Variants in PSIP1 observed in about 807,000 individuals in gnomAD.
The protein encoded by PSIP1 is PC4 and SFRS1-interacting protein.
PSIP1 carries 19 observed loss-of-function variants against 74.7 expected under a neutral mutation model. The ratio of observed to expected loss-of-function variants is 0.25; its 90% CI spans 0.18 to 0.37. PSIP1 has a LOEUF of 0.37. Among genes scored for constraint, PSIP1 ranks in the 10% least tolerant of loss-of-function variants. The probability of loss-of-function intolerance (pLI) is 1.00; values close to 1 mark genes in which losing one functional copy is unlikely to be tolerated. For synonymous variants in PSIP1, 222 were observed against 195.3 expected (o/e 1.14, Z -1.14); for missense variants, 601 against 614.3 (o/e 0.98, Z 0.23).
At chr9:15,473,927 CAAAAAA>C in intron 9 of PSIP1, 76 bp downstream of exon 9, 1 of 514,486 alleles carries the variant, frequency 1.9e-6, no homozygotes, top group Non-Finnish European at 2.7e-6. Flanking sequence ...AAAAAAAAAA[CAAAAAA>C]AAAACAAAGA....
At chr9:15,498,186 C>T (rs1472192600) in intron 3 of PSIP1, among the ~76,000 whole-genome samples, 3 of 152,116 alleles carry the variant, frequency 2.0e-5, no homozygotes, top group African/African-American at 7.2e-5. Flanking sequence ...GAGGCCAAGG[C>T]GGGCGTGTCA....
intron 6 of PSIP1, among the ~76,000 whole-genome samples, chr9:15,481,096 A>C (rs2036316129): frequency 6.6e-6 from 1 of 152,190 alleles, no homozygotes; most frequent in African/African-American, 2.4e-5. Flanking sequence ...AGAACACTGA[A>C]AATTCCTCCC....
chr9:15,470,566 T>G, intron 10 of PSIP1: 2 of 921,454 alleles, frequency 2.2e-6, no homozygotes, highest in Non-Finnish European at 1.3e-6. Context: ...TCTAGTACCT[T>G]GGCTTAGAGT....
intron 3 of PSIP1, among the ~76,000 whole-genome samples, chr9:15,495,168 G>C (rs2037017426): frequency 1.3e-5 from 2 of 152,034 alleles, no homozygotes; most frequent in Non-Finnish European, 2.9e-5. Flanking sequence ...AGGAACTTCA[G>C]GAGTAGGAAA....
At chr9:15,477,630 C>T (rs1159485171) in intron 8 of PSIP1, among the ~76,000 whole-genome samples, 2 of 152,032 alleles carry the variant, frequency 1.3e-5, no homozygotes, top group East Asian at 3.9e-4. Flanking sequence ...TAAATATACT[C>T]TCTATTCCTT....
rs76254375 is a variant in PSIP1 at position 15,505,740 on chromosome 9, G to A, written c.149+821C>T. ...TTTGTATGTAAATTCCATCTCAATA[G>A]AGCTATTAAAGACATTGTGTGAAAG... On this transcript the variant is annotated intron_variant, in intron 3 of 15. Transcript: ENST00000380733. 9.3e-3 allele frequency: 1,416 copies of A among 152,252 alleles called. 18 individuals are homozygous for A. Among genetic ancestry groups the A allele is most frequent in the African/African-American group, 0.032 (1,332 of 41,544 alleles). 9.4% of individuals were successfully genotyped at this position (152,252 alleles called of 1,614,324 possible).
At chr9:15,470,947 A>C (rs1480502637) in intron 10 of PSIP1, 10 of 1,149,898 alleles carry the variant, frequency 8.7e-6, no homozygotes, top group Middle Eastern at 3.6e-4. Flanking sequence ...AAAAAAAAAA[A>C]AAAAAAAAAA....
intron 2 of PSIP1, among the ~76,000 whole-genome samples, chr9:15,508,657 A>T (rs1463164721): frequency 6.6e-6 from 1 of 152,178 alleles, no homozygotes; most frequent in Non-Finnish European, 1.5e-5. Context: ...TACCTCGAAG[A>T]CCATGAAAAA....
intron 14 of PSIP1, among the ~76,000 whole-genome samples, chr9:15,468,216 G>A (rs1270732095): frequency 2.0e-5 from 3 of 151,794 alleles, no homozygotes; most frequent in Non-Finnish European, 4.4e-5. Flanking sequence ...ATCAAGTAAT[G>A]GCAGGTGTAG....
intron 14 of PSIP1, 136 bp downstream of exon 14, chr9:15,468,494 A>G (rs527532522): frequency 1.0e-6 from 1 of 970,058 alleles, no homozygotes; most frequent in East Asian, 2.4e-5. Context: ...GGCCCATCAG[A>G]TTTTCACCAT....
intron 3 of PSIP1, among the ~76,000 whole-genome samples, chr9:15,493,302 GT>G (rs1424853793): frequency 2.0e-5 from 3 of 152,152 alleles, no homozygotes; most frequent in African/African-American, 7.2e-5. Flanking sequence ...CTTTACTCCA[GT>G]TCCCAACACG....
intron 8 of PSIP1, 59 bp downstream of exon 8, chr9:15,478,418 G>T: frequency 1.6e-6 from 2 of 1,236,048 alleles, no homozygotes; most frequent in South Asian, 1.3e-5. Context: ...AGAGATATGT[G>T]CTTGTTTAAA....
rs1443015044 is a variant in PSIP1 at position 15,465,513 on chromosome 9, T to C, written c.*7A>G. 2 of 1,540,210 alleles carry C rather than the reference T, an allele frequency of 1.3e-6. No individual in the cohort carries two copies. The highest frequency in any genetic ancestry group is 4.6e-5 in the East Asian group (2 of 43,946). ...TCAAGTGTTCTCTATATTCCAGGTA[T>C]GTCAACCTAGTTATCTAGTGTAGAA... On this transcript the variant is annotated 3_prime_UTR_variant, in exon 16 of 16. Transcript: ENST00000380733.
intron 1 of PSIP1, 145 bp from the exon 2 acceptor site, chr9:15,510,474 C>A: frequency 2.6e-6 from 1 of 383,150 alleles, no homozygotes; most frequent in East Asian, 4.4e-5. Flanking sequence ...GCTGCCTCCG[C>A]GCTGGAGCAG....
intron 3 of PSIP1, among the ~76,000 whole-genome samples, chr9:15,501,653 A>AT (rs1281662239): frequency 1.3e-5 from 2 of 151,902 alleles, no homozygotes; most frequent in Admixed American, 6.6e-5. Flanking sequence ...TTTGGTTTTG[A>AT]TTCACTGCTA....
At chr9:15,471,762 T>C in intron 10 of PSIP1, 3 of 959,738 alleles carry the variant, frequency 3.1e-6, no homozygotes, top group Non-Finnish European at 3.7e-6. Context: ...ATATATTATA[T>C]AAAGAAAAAA....
In PSIP1 at chr9:15,499,882, A is replaced by G. The variant is rs147645100; in HGVS notation, c.149+6679T>C. Among the ~76,000 whole-genome samples the G allele has an allele frequency of 5.5e-4, 84 of 152,038 alleles. 2 individuals carry two copies. Among genetic ancestry groups the G allele is most frequent in the African/African-American group, 1.9e-3 (80 of 41,498 alleles). On this transcript the variant is annotated intron_variant, in intron 3 of 15. Coordinates refer to ENST00000380733, the MANE Select transcript of PSIP1 (RefSeq NM_033222.5). ...GAGCAAGAGACTCTGTCTCAAAAAA[A>G]AAAAAAAAACCGAAGTCACATACAC...
At chr9:15,474,264 A>G (rs745562225) in intron 8 of PSIP1, 27 bp from the exon 9 acceptor site, 7 of 1,538,888 alleles carry the variant, frequency 4.5e-6, no homozygotes, top group Non-Finnish European at 6.2e-6. Flanking sequence ...AACAATGTAT[A>G]CTTGTCATTC....
At chr9:15,465,617 A>AT (rs1448419800) in intron 15 of PSIP1, 37 bp from the exon 16 acceptor site, 1 of 1,488,714 alleles carries the variant, frequency 6.7e-7, no homozygotes, top group South Asian at 1.2e-5. Flanking sequence ...TGGAATTAGG[A>AT]TTTTCTCCTG....
Sources: allele counts gnomAD v4.1 joint callset (sites outside exome capture counted in the v4.1 genomes callset), GRCh38; gene constraint gnomAD v4.1.1; transcripts MANE v1.5; gene names NCBI Gene and HGNC (gene_info 2026-07-23, HGNC 2026-07-21).